The following ADGRG7 variants were observed in gnomAD, a reference collection of about 807,000 sequenced individuals.
The protein encoded by ADGRG7 is G-protein coupled receptor 128.
ADGRG7 carries 82 observed loss-of-function variants against 88.6 expected under a neutral mutation model. That is an observed-to-expected ratio of 0.93 (90% CI 0.77 to 1.11). ADGRG7 has a LOEUF of 1.11. Among genes scored for constraint, ADGRG7 ranks in the 50% most tolerant of loss-of-function variants. ADGRG7 has a pLI of 0.00. For missense variants in ADGRG7, 945 were observed against 953.4 expected (o/e 0.99, Z 0.12); for synonymous variants, 381 against 345.2 (o/e 1.10, Z -1.15).
intron 15 of ADGRG7, among the ~76,000 whole-genome samples, chr3:100,672,322 T>C (rs1293574543): frequency 1.3e-5 from 2 of 152,220 alleles, no homozygotes; most frequent in African/African-American, 4.8e-5. Flanking sequence ...GTACCAATTG[T>C]GAATGGGAGT....
At chr3:100,664,278 C>T (rs2094949158) in intron 14 of ADGRG7, among the ~76,000 whole-genome samples, 1 of 152,068 alleles carries the variant, frequency 6.6e-6, no homozygotes, top group South Asian at 2.1e-4. Flanking sequence ...CTAGTGTTCA[C>T]AGGACATTAA....
chr3:100,647,993 CTT>C (rs1707784003), intron 10 of ADGRG7, among the ~76,000 whole-genome samples: 1 of 152,104 alleles, frequency 6.6e-6, no homozygotes, highest in African/African-American at 2.4e-5. Context: ...TAAAAGCTCT[CTT>C]ATTCAAATTC....
At chr3:100,673,607 G>A (rs557946126) in intron 15 of ADGRG7, among the ~76,000 whole-genome samples, 4 of 151,920 alleles carry the variant, frequency 2.6e-5, no homozygotes, top group South Asian at 4.2e-4. Flanking sequence ...GATTACAGGC[G>A]TGAACCACCA....
intron 15 of ADGRG7, among the ~76,000 whole-genome samples, chr3:100,674,857 G>A (rs1045176180): frequency 3.3e-5 from 5 of 152,158 alleles, no homozygotes; most frequent in African/African-American, 4.8e-5. Context: ...GATTATAGGC[G>A]TGAGCCACTG....
intron 15 of ADGRG7, among the ~76,000 whole-genome samples, chr3:100,675,659 T>C (rs1033174611): frequency 6.6e-5 from 10 of 152,130 alleles, no homozygotes; most frequent in African/African-American, 1.4e-4. Context: ...CCTCTATTTT[T>C]TGGAGTAGTT....
intron 15 of ADGRG7, among the ~76,000 whole-genome samples, chr3:100,690,136 G>C (rs144895427): frequency 1.3e-5 from 2 of 151,774 alleles, no homozygotes; most frequent in Non-Finnish European, 2.9e-5. Context: ...ATCTTCCATC[G>C]CTGATACCCT....
chr3:100,623,801 T>C (rs1350702717), intron 1 of ADGRG7, among the ~76,000 whole-genome samples: 1 of 152,112 alleles, frequency 6.6e-6, no homozygotes, highest in Non-Finnish European at 1.5e-5. Flanking sequence ...ACATGCGGTG[T>C]TTGGTTTTCT....
chr3:100,657,883 A>G (rs1055300670), intron 13 of ADGRG7, among the ~76,000 whole-genome samples: 1 of 152,230 alleles, frequency 6.6e-6, no homozygotes, highest in African/African-American at 2.4e-5. Context: ...ATGATTTCCA[A>G]TAATTTAAAT....
At chr3:100,613,931 T>C (rs566709880) in intron 1 of ADGRG7, among the ~76,000 whole-genome samples, 2 of 152,308 alleles carry the variant, frequency 1.3e-5, no homozygotes, top group Non-Finnish European at 2.9e-5. Flanking sequence ...CCTCACTAGC[T>C]TTGAGCAAAT....
At chr3:100,690,445 T>A (rs9837310) in intron 15 of ADGRG7, among the ~76,000 whole-genome samples, 5,885 of 152,308 alleles carry the variant, frequency 0.039, 381 homozygotes, top group African/African-American at 0.13. Context: ...AGAGGCGCTC[T>A]GATCTTTAGA....
At chr3:100,616,006 AG>A (rs1246642518) in intron 1 of ADGRG7, among the ~76,000 whole-genome samples, 1 of 152,162 alleles carries the variant, frequency 6.6e-6, no homozygotes, top group East Asian at 1.9e-4. Flanking sequence ...GCCATAAGTA[AG>A]GAAAAAAAAG....
chr3:100,613,170 G>GT (rs1433976101), intron 1 of ADGRG7, among the ~76,000 whole-genome samples: 28 of 152,198 alleles, frequency 1.8e-4, no homozygotes, highest in Non-Finnish European at 3.1e-4. Flanking sequence ...GATTACAGGC[G>GT]TGAGCCACCG....
intron 9 of ADGRG7, 77 bp from the exon 10 acceptor site, chr3:100,646,492 G>C (rs1014113944): frequency 8.6e-7 from 1 of 1,161,924 alleles, no homozygotes; most frequent in Non-Finnish European, 1.3e-6. Context: ...TCAGATGACT[G>C]TCTTATACTA....
At chr3:100,674,497 T>A (rs139812658) in intron 15 of ADGRG7, among the ~76,000 whole-genome samples, 1 of 152,134 alleles carries the variant, frequency 6.6e-6, no homozygotes, top group South Asian at 2.1e-4. Context: ...GTTGTAGAGA[T>A]CTTTCACTTT....
intron 15 of ADGRG7, among the ~76,000 whole-genome samples, chr3:100,684,460 G>A (rs2094978896): frequency 6.6e-6 from 1 of 151,828 alleles, no homozygotes; most frequent in South Asian, 2.1e-4. Context: ...TACAGATAGG[G>A]TCACACTATG....
intron 14 of ADGRG7, among the ~76,000 whole-genome samples, chr3:100,662,172 A>G (rs2094946425): frequency 6.6e-6 from 1 of 152,178 alleles, no homozygotes; most frequent in African/African-American, 2.4e-5. Flanking sequence ...TTGGGGGGAA[A>G]CAGCCAAATT....
intron 1 of ADGRG7, among the ~76,000 whole-genome samples, chr3:100,627,178 T>C (rs1034546396): frequency 5.3e-5 from 8 of 152,220 alleles, no homozygotes; most frequent in Admixed American, 3.9e-4. Flanking sequence ...TATTCAATAT[T>C]ACACTGTTAA....
At chr3:100,620,917 C>G (rs139311455) in intron 1 of ADGRG7, among the ~76,000 whole-genome samples, 6 of 151,452 alleles carry the variant, frequency 4.0e-5, no homozygotes, top group Non-Finnish European at 7.4e-5. Flanking sequence ...AACATGTGCT[C>G]GCTTCATGTC....
chr3:100,683,968 C>T (rs953702534), intron 15 of ADGRG7, among the ~76,000 whole-genome samples: 5 of 152,074 alleles, frequency 3.3e-5, no homozygotes, highest in Admixed American at 1.3e-4. Context: ...TTCAATGCTG[C>T]ATTATCATGT....
Sources: allele counts gnomAD v4.1 joint callset (sites outside exome capture counted in the v4.1 genomes callset), GRCh38; gene constraint gnomAD v4.1.1; transcripts MANE v1.5; gene names NCBI Gene and HGNC (gene_info 2026-07-23, HGNC 2026-07-21).